Variants in VSTM2L observed in about 807,000 individuals in gnomAD.
VSTM2L encodes the protein V-set and transmembrane domain containing 2 like, also known as V-set and transmembrane domain-containing protein 2-like protein.
VSTM2L carries 9 observed loss-of-function variants against 19.9 expected under a neutral mutation model. The ratio of observed to expected loss-of-function variants is 0.45; its 90% confidence interval spans 0.27 to 0.79. The LOEUF (loss-of-function observed/expected upper bound fraction) is 0.79, where lower values mean the gene tolerates loss of function less well. Ranked by LOEUF, VSTM2L falls within the 30% of genes least tolerant of loss-of-function variation. VSTM2L has a pLI of 0.15. For missense variants in VSTM2L, 286 were observed against 295.5 expected (o/e 0.97, Z 0.24); for synonymous variants, 127 against 133.8 (o/e 0.95, Z 0.35).
chr20:37,919,856 C>T (rs1333211246), intron 1 of VSTM2L, among the ~76,000 whole-genome samples: 2 of 152,196 alleles, frequency 1.3e-5, no homozygotes, highest in African/African-American at 2.4e-5. Flanking sequence ...ATCTCAGGCA[C>T]CGACTCTCCC....
At chr20:37,919,692 G>A (rs2072839953) in intron 1 of VSTM2L, among the ~76,000 whole-genome samples, 1 of 152,226 alleles carries the variant, frequency 6.6e-6, no homozygotes, top group Admixed American at 6.5e-5. Context: ...GCTGAGCTGG[G>A]CATAGAGCAG....
intron 1 of VSTM2L, among the ~76,000 whole-genome samples, chr20:37,924,260 T>C (rs895791729): frequency 7.0e-6 from 1 of 143,338 alleles, no homozygotes; most frequent in South Asian, 2.2e-4. Flanking sequence ...TCTCAAAAAA[T>C]AAATAAACAT....
Position 37,933,519 on chromosome 20 carries a change from C to A in VSTM2L, c.292-20C>A. 6.2e-7 allele frequency: 1 copy of A among 1,612,974 alleles called. No individual in the cohort carries two copies. The highest frequency in any genetic ancestry group is 1.1e-5 in the South Asian group (1 of 90,956). ...TAACACCTTGTCTCTGCTCTCTCCG[C>A]CCCTCCCCGATCCCAACAGCTAAAA... is the stretch of plus-strand genomic sequence containing the variant. On this transcript the variant is annotated intron_variant, in intron 2 of 3. Coordinates refer to ENST00000373461, the MANE Select transcript of VSTM2L (RefSeq NM_080607.3).
chr20:37,908,761 C>T (rs1477066978), intron 1 of VSTM2L, among the ~76,000 whole-genome samples: 1 of 152,142 alleles, frequency 6.6e-6, no homozygotes, highest in Admixed American at 6.5e-5. Flanking sequence ...TGAGATCGTG[C>T]CACTGCACTC....
chr20:37,934,010 A>G lies in VSTM2L; in HGVS notation c.342+421A>G, dbSNP rs564853070. ...GGACGGGGTGGGGGCACCCTAGCCA[A>G]AGGATTTCAGGACTGGCCAGGCCTT... On this transcript the variant is annotated intron_variant, in intron 3 of 3. Coordinates refer to ENST00000373461, the MANE Select transcript of VSTM2L (RefSeq NM_080607.3). Among the ~76,000 whole-genome samples, 196 of 152,360 alleles carry G rather than the reference A, an allele frequency of 1.3e-3. 1 individual carries two copies. Among genetic ancestry groups the G allele is most frequent in the Admixed American group, 1.9e-3 (29 of 15,306 alleles).
intron 3 of VSTM2L, among the ~76,000 whole-genome samples, chr20:37,936,790 C>A (rs1475667114): frequency 6.6e-6 from 1 of 152,170 alleles, no homozygotes; most frequent in Non-Finnish European, 1.5e-5. Flanking sequence ...TATGAAAACG[C>A]TTTGGAAACT....
rs193000636 is a variant in VSTM2L, at chr20:37,916,397, G to C, written c.121+12926G>C. ...CTCACTCCTTGTGGCCCAGACATGT[G>C]GGAAGAGGAGGCGGGAATTCCACTG... On this transcript the variant is annotated intron_variant, in intron 1 of 3. Transcript: ENST00000373461. Among the ~76,000 whole-genome samples, 271 of 152,316 alleles carry C rather than the reference G, an allele frequency of 1.8e-3. 4 individuals carry two copies. The highest frequency in any genetic ancestry group is 6.1e-3 in the African/African-American group (253 of 41,556).
At chr20:37,940,478 C>T (rs569259395) in intron 3 of VSTM2L, among the ~76,000 whole-genome samples, 14 of 152,392 alleles carry the variant, frequency 9.2e-5, no homozygotes, top group African/African-American at 3.4e-4. Flanking sequence ...GCTGGACACT[C>T]TCTTCTTCCC....
In VSTM2L at chr20:37,944,169, TCCCGCCGCGCCCGC is replaced by T; in HGVS notation, c.540_553del (p.Ala182GlnfsTer21). Reference sequence around the variant, plus strand: ...CCGTCCTGCATCTGCCCGAAGCCCCTCCCGCCGCGCCCGCCCCGCCGCCCCCCAAGCCAGGCAAG... The same window carrying T: ...CCGTCCTGCATCTGCCCGAAGCCCCTCCCGCCGCCCCCCAAGCCAGGCAAG... On this transcript the variant is annotated frameshift_variant, in exon 4 of 4. Transcript: ENST00000373461. LOFTEE classifies it high-confidence loss of function. 6.5e-7 allele frequency: 1 copy of T among 1,542,622 alleles called. No individual in the cohort carries two copies. The highest frequency in any genetic ancestry group is 8.7e-7 in the Non-Finnish European group (1 of 1,143,064).
chr20:37,940,180 G>T (rs965335446), intron 3 of VSTM2L, among the ~76,000 whole-genome samples: 1 of 152,210 alleles, frequency 6.6e-6, no homozygotes, highest in African/African-American at 2.4e-5. Context: ...ATTCGCTCCC[G>T]CTGCGCATTT....
chr20:37,933,472 C>T (rs2072922208), intron 2 of VSTM2L, 67 bp from the exon 3 acceptor site: 1 of 1,216,888 alleles, frequency 8.2e-7, no homozygotes, highest in Non-Finnish European at 1.2e-6. Flanking sequence ...CCCCACACTG[C>T]CACCCCACCC....
At chr20:37,911,140 G>A (rs573422128) in intron 1 of VSTM2L, among the ~76,000 whole-genome samples, 8 of 149,280 alleles carry the variant, frequency 5.4e-5, no homozygotes, top group East Asian at 4.0e-4. Context: ...GCATGGTGGC[G>A]GGCACCTGTA....
chr20:37,923,429 C>G (rs970016527), intron 1 of VSTM2L, among the ~76,000 whole-genome samples: 1 of 152,162 alleles, frequency 6.6e-6, no homozygotes, highest in Non-Finnish European at 1.5e-5. Context: ...CAATTAAAAG[C>G]AGAAAGAAAG....
At chr20:37,917,174 C>T (rs745495682) in intron 1 of VSTM2L, among the ~76,000 whole-genome samples, 13 of 152,006 alleles carry the variant, frequency 8.6e-5, no homozygotes, top group South Asian at 2.1e-4. Flanking sequence ...ATTAGTCAGG[C>T]GTGGTGGAGG....
intron 1 of VSTM2L, among the ~76,000 whole-genome samples, chr20:37,919,909 T>C (rs770757241): frequency 2.0e-5 from 3 of 152,158 alleles, no homozygotes; most frequent in Non-Finnish European, 2.9e-5. Flanking sequence ...GGGCTGATAA[T>C]AGTACCATCT....
chr20:37,908,757 C>T (rs145823007), intron 1 of VSTM2L, among the ~76,000 whole-genome samples: 2,334 of 152,210 alleles, frequency 0.015, 57 homozygotes, highest in African/African-American at 0.054. Context: ...GAGCTGAGAT[C>T]GTGCCACTGC....
At chr20:37,919,661 C>A (rs1198077377) in intron 1 of VSTM2L, among the ~76,000 whole-genome samples, 1 of 152,254 alleles carries the variant, frequency 6.6e-6, no homozygotes, top group Non-Finnish European at 1.5e-5. Flanking sequence ...AGCACACACA[C>A]CCTTGTGGCC....
intron 3 of VSTM2L, among the ~76,000 whole-genome samples, chr20:37,939,423 AAAAG>A (rs980443542): frequency 7.9e-5 from 12 of 152,206 alleles, no homozygotes; most frequent in African/African-American, 2.9e-4. Context: ...TGTCTCAAAA[AAAAG>A]AAAAAGAAAG....
chr20:37,918,169 G>A (rs997573482), intron 1 of VSTM2L, among the ~76,000 whole-genome samples: 2 of 152,168 alleles, frequency 1.3e-5, no homozygotes, highest in African/African-American at 2.4e-5. Flanking sequence ...TGGAAGAATC[G>A]GCAAGATTGG....
Sources: gnomAD v4.1 joint callset for allele counts (sites outside exome capture counted in the v4.1 genomes callset) on GRCh38, gnomAD v4.1.1 for gene constraint, MANE v1.5 for transcripts, NCBI Gene and HGNC (gene_info 2026-07-23, HGNC 2026-07-21) for gene names.